RABGAP1: variants seen among roughly 807,000 people sequenced by gnomAD.
The protein encoded by RABGAP1 is rab GTPase-activating protein 1.
RABGAP1 carries 23 observed loss-of-function variants against 137.6 expected under a neutral mutation model. The ratio of observed to expected loss-of-function variants is 0.17; its 90% CI spans 0.12 to 0.24. The LOEUF is 0.24. Ranked by LOEUF, RABGAP1 falls within the 10% of genes least tolerant of loss-of-function variation. RABGAP1 has a pLI of 1.00. For synonymous variants in RABGAP1, 451 were observed against 450.7 expected (o/e 1.00, Z -0.01); for missense variants, 906 against 1,275.8 (o/e 0.71, Z 4.42).
At chr9:123,048,042 C>T (rs912255944) in intron 13 of RABGAP1, among the ~76,000 whole-genome samples, 2 of 147,034 alleles carry the variant, frequency 1.4e-5, no homozygotes, top group African/African-American at 2.5e-5. Context: ...CAGGTTCAAG[C>T]GATTCTCCTG....
chr9:122,985,337 G>A (rs964964072), intron 3 of RABGAP1, among the ~76,000 whole-genome samples: 2 of 152,182 alleles, frequency 1.3e-5, no homozygotes, highest in Non-Finnish European at 1.5e-5. Context: ...CAGTTAGGCC[G>A]GGCGCAGTGG....
Position 123,003,893 on chromosome 9 carries a change from A to G in RABGAP1, c.1374+5127A>G, listed in dbSNP as rs140401820. Among the ~76,000 whole-genome samples, 504 of 152,376 alleles carry G rather than the reference A, an allele frequency of 3.3e-3. 2 individuals carry two copies. Among genetic ancestry groups the G allele is most frequent in the African/African-American group, 0.011 (472 of 41,594 alleles). On this transcript the variant is annotated intron_variant, in intron 10 of 25. Coordinates refer to ENST00000373647, the MANE Select transcript of RABGAP1 (RefSeq NM_012197.4). The stretch of plus-strand genomic sequence containing the variant: ...TAGAATAATGTCATTTTTATTGCCA[A>G]TTAAACTATAGGGGTCTTAAAATCT...
intron 10 of RABGAP1, among the ~76,000 whole-genome samples, chr9:123,002,299 C>CAAAAAAAAAAA (rs200227677): frequency 8.0e-6 from 1 of 124,794 alleles, no homozygotes; most frequent in African/African-American, 3.0e-5. Context: ...AAAACTCCGT[C>CAAAAAAAAAAA]AAAAAAAAAA....
chr9:123,059,423 C>T (rs376102219), intron 13 of RABGAP1, among the ~76,000 whole-genome samples: 1 of 151,992 alleles, frequency 6.6e-6, no homozygotes, highest in Non-Finnish European at 1.5e-5. Flanking sequence ...GGCGTGGTGG[C>T]GGGCACCTGT....
At chr9:123,057,134 G>T (rs1011862507) in intron 13 of RABGAP1, among the ~76,000 whole-genome samples, 5 of 151,350 alleles carry the variant, frequency 3.3e-5, no homozygotes, top group Admixed American at 6.6e-5. Flanking sequence ...CCCGGACGGG[G>T]CGGCTGGCCT....
intron 2 of RABGAP1, among the ~76,000 whole-genome samples, chr9:122,957,441 G>GT (rs1439577907): frequency 6.6e-6 from 1 of 152,088 alleles, no homozygotes; most frequent in Non-Finnish European, 1.5e-5. Flanking sequence ...AAAACTAGTG[G>GT]TTATAGTATA....
At chr9:122,995,566 A>ATT (rs34683455) in intron 6 of RABGAP1, among the ~76,000 whole-genome samples, 67,497 of 118,374 alleles carry the variant, frequency 0.57, 24,075 homozygotes, top group South Asian at 0.8. Context: ...ATATCAAATG[A>ATT]TTTTTTTTTT....
chr9:123,073,165 A>C (rs2034409120), intron 15 of RABGAP1, among the ~76,000 whole-genome samples: 1 of 152,214 alleles, frequency 6.6e-6, no homozygotes, highest in Non-Finnish European at 1.5e-5. Flanking sequence ...GATGACACCT[A>C]CACTGTATAT....
At chr9:123,097,971 T>G in intron 22 of RABGAP1, 126 bp downstream of exon 22, 1 of 734,660 alleles carries the variant, frequency 1.4e-6, no homozygotes, top group Non-Finnish European at 2.2e-6. Flanking sequence ...CAAAGACTTT[T>G]TTTTTCCCCC....
At chr9:123,072,970 A>G (rs1189901217) in intron 15 of RABGAP1, among the ~76,000 whole-genome samples, 4 of 152,230 alleles carry the variant, frequency 2.6e-5, no homozygotes, top group East Asian at 3.8e-4. Flanking sequence ...GTATTATTAT[A>G]AATGTAAATA....
intron 13 of RABGAP1, among the ~76,000 whole-genome samples, chr9:123,036,917 G>A (rs1454200595): frequency 6.6e-6 from 1 of 151,934 alleles, no homozygotes; most frequent in Non-Finnish European, 1.5e-5. Flanking sequence ...ATGTAGTAGT[G>A]ATGTTTGTTC....
At chr9:123,035,637 C>T (rs1325544501) in intron 13 of RABGAP1, 3 of 1,212,060 alleles carry the variant, frequency 2.5e-6, no homozygotes, top group Admixed American at 2.0e-5. Context: ...TTACGGGGTT[C>T]CCGTGTGTGT....
At chr9:123,097,186 T>C (rs1259786059) in intron 21 of RABGAP1, among the ~76,000 whole-genome samples, 1 of 152,212 alleles carries the variant, frequency 6.6e-6, no homozygotes, top group Non-Finnish European at 1.5e-5. Context: ...ACCTTTTGCA[T>C]GCTTTAGAAA....
intron 13 of RABGAP1, among the ~76,000 whole-genome samples, chr9:123,022,401 C>A (rs973541896): frequency 3.0e-4 from 46 of 152,054 alleles, no homozygotes; most frequent in African/African-American, 9.9e-4. Flanking sequence ...ATTAAACTTA[C>A]AATTTTGTTT....
chr9:123,035,746 C>T (rs2032619800), intron 13 of RABGAP1: 8 of 605,222 alleles, frequency 1.3e-5, no homozygotes, highest in East Asian at 2.8e-5. Context: ...TGACTCTAAA[C>T]AATAGCATAC....
intron 14 of RABGAP1, among the ~76,000 whole-genome samples, chr9:123,069,567 G>A (rs1278595035): frequency 2.0e-5 from 2 of 98,196 alleles, no homozygotes; most frequent in Admixed American, 1.0e-4. Flanking sequence ...GTGAGACCCT[G>A]TCTCTATTAA....
At chr9:123,038,194 A>G (rs2032768211) in intron 13 of RABGAP1, among the ~76,000 whole-genome samples, 1 of 152,122 alleles carries the variant, frequency 6.6e-6, no homozygotes, top group Non-Finnish European at 1.5e-5. Flanking sequence ...TCCTGACACT[A>G]GATTGGATAT....
At chr9:122,995,447 T>G (rs1836964785) in intron 6 of RABGAP1, among the ~76,000 whole-genome samples, 1 of 152,186 alleles carries the variant, frequency 6.6e-6, no homozygotes, top group South Asian at 2.1e-4. Context: ...GTATGTCAGA[T>G]GCCATGAAAC....
intron 13 of RABGAP1, chr9:123,034,563 C>T (rs750837939): frequency 1.3e-6 from 2 of 1,586,742 alleles, no homozygotes; most frequent in African/African-American, 1.3e-5. Context: ...CTCCTGAGCT[C>T]AAGATGAACT....
Sources: gnomAD v4.1 joint callset for allele counts (sites outside exome capture counted in the v4.1 genomes callset) on GRCh38, gnomAD v4.1.1 for gene constraint, MANE v1.5 for transcripts, NCBI Gene and HGNC (gene_info 2026-07-23, HGNC 2026-07-21) for gene names.